EDRF1: variants seen among roughly 807,000 people sequenced by gnomAD.
The protein encoded by EDRF1 is erythroid differentiation regulatory factor 1, also known as erythroid differentiation-related factor 1.
In EDRF1, 69 loss-of-function variants were observed where a neutral mutation model predicts 148.7. That is an observed-to-expected ratio of 0.46 (90% confidence interval 0.38 to 0.57). The LOEUF (loss-of-function observed/expected upper bound fraction) is 0.57, where lower values mean the gene tolerates loss of function less well. Among genes scored for constraint, EDRF1 ranks in the 20% least tolerant of loss-of-function variants. The probability of loss-of-function intolerance (pLI) is 0.00; values close to 1 mark genes in which losing one functional copy is unlikely to be tolerated. For missense variants in EDRF1, 1,118 were observed against 1,478.7 expected (o/e 0.76, Z 4.00); for synonymous variants, 515 against 532.8 (o/e 0.97, Z 0.46).
At chr10:125,760,663 C>T (rs748379104) in intron 24 of EDRF1, among the ~76,000 whole-genome samples, 6 of 152,106 alleles carry the variant, frequency 3.9e-5, no homozygotes, top group Non-Finnish European at 8.8e-5. Flanking sequence ...TACCCTCTGC[C>T]ACAGGCTTAG....
rs74162850 is a variant in EDRF1, at chr10:125,727,661, T to C, written c.793-1342T>C. ...ACAATAGAAGTGCTAGAGAGCCACC[T>C]GTGCTTATAGTCACACACTCTTCCC... is the stretch of plus-strand genomic sequence containing the variant. On this transcript the variant is annotated intron_variant, in intron 6 of 24. Coordinates refer to ENST00000356792, the MANE Select transcript of EDRF1 (RefSeq NM_001202438.2). Among the ~76,000 whole-genome samples the C allele has an allele frequency of 9.9e-3, 1,507 of 152,340 alleles. 17 individuals carry two copies. Among genetic ancestry groups the C allele is most frequent in the African/African-American group, 0.035 (1,437 of 41,564 alleles).
chr10:125,745,616 C>G, intron 18 of EDRF1, 91 bp from the exon 19 acceptor site: 1 of 1,364,468 alleles, frequency 7.3e-7, no homozygotes, highest in South Asian at 1.2e-5. Context: ...ACTCCTGTCA[C>G]TGCCATCCTC....
intron 16 of EDRF1, 111 bp downstream of exon 16, chr10:125,740,762 A>G (rs1848977720): frequency 3.1e-6 from 4 of 1,270,246 alleles, no homozygotes; most frequent in Non-Finnish European, 4.5e-6. Flanking sequence ...TCTTTATTTT[A>G]AAATGACTGT....
intron 22 of EDRF1, 38 bp downstream of exon 22, chr10:125,749,603 T>C (rs775857228): frequency 1.2e-6 from 2 of 1,608,896 alleles, no homozygotes; most frequent in Non-Finnish European, 1.7e-6. Flanking sequence ...ATGTATGCAT[T>C]GGCTTAGTGC....
intron 14 of EDRF1, 66 bp downstream of exon 14, chr10:125,738,055 T>C: frequency 6.7e-7 from 1 of 1,491,664 alleles, no homozygotes; most frequent in Non-Finnish European, 9.3e-7. Flanking sequence ...ATTACACTTG[T>C]TTGTTGGTAT....
chr10:125,739,803 G>A (rs963318818), intron 15 of EDRF1, among the ~76,000 whole-genome samples: 9 of 152,122 alleles, frequency 5.9e-5, no homozygotes, highest in African/African-American at 2.2e-4. Flanking sequence ...ATTTTGTTGT[G>A]GTTTATGTTA....
In EDRF1 at chr10:125,763,042, A is replaced by G. The variant is rs1043510899; in HGVS notation, c.3546-259A>G. On this transcript the variant is annotated intron_variant, in intron 24 of 24. Coordinates refer to ENST00000356792, the MANE Select transcript of EDRF1 (RefSeq NM_001202438.2). The surrounding 1 kb of genome is among the most constrained non-coding windows in gnomAD (Gnocchi z 4.3). Reference sequence around the variant, plus strand: ...CCTGTTTTGTTCTCTGTCAAGAGCAATTCCTAGTACATAATAGGCATTCAA... The same window carrying G: ...CCTGTTTTGTTCTCTGTCAAGAGCAGTTCCTAGTACATAATAGGCATTCAA... Among the ~76,000 whole-genome samples, 2 of 152,202 alleles carry G rather than the reference A, an allele frequency of 1.3e-5. No individual in the cohort carries two copies. The highest frequency in any genetic ancestry group is 2.9e-5 in the Non-Finnish European group (2 of 68,044).
At position 125,747,627 on chromosome 10, in the gene EDRF1, C is replaced by T. The variant is rs1217771134; in HGVS notation, c.2906C>T (p.Thr969Ile). 3 of 1,614,182 alleles carry T rather than the reference C, an allele frequency of 1.9e-6. No homozygotes were observed. Among genetic ancestry groups the T allele is most frequent in the Non-Finnish European group, 2.5e-6 (3 of 1,180,020 alleles). The part of the protein sequence containing the change: ...VWDSVNWELS[T>I]TYFTMATLQQ... ...GATTCAGTGAACTGGGAATTGTCCA[C>T]TACTTACTTTACTATGGCAACTCTA... Residue 969 changes from threonine (T) to isoleucine (I), a missense_variant, in exon 20 of 25, where the codon ACT (threonine) becomes ATT (isoleucine). Thr to Ile is a moderately conservative substitution (Grantham distance 89). Around this residue, in one of 3 missense-constraint regions of EDRF1, gnomAD observed 954 missense variants for 1,241.4 expected, o/e 0.77. Transcript: ENST00000356792.
intron 2 of EDRF1, among the ~76,000 whole-genome samples, chr10:125,722,562 A>AT (rs544743481): frequency 1.5e-4 from 23 of 151,258 alleles, no homozygotes; most frequent in East Asian, 7.8e-4. Flanking sequence ...CTCAATTAAC[A>AT]TTTTTTTTTA....
intron 3 of EDRF1, 103 bp from the exon 4 acceptor site, chr10:125,723,708 A>T (rs1589817321): frequency 2.5e-6 from 3 of 1,220,176 alleles, no homozygotes; most frequent in Non-Finnish European, 3.5e-6. Flanking sequence ...CCTTAAGGAA[A>T]TAAGGTTTAT....
intron 17 of EDRF1, chr10:125,742,605 A>G (rs2133725059): frequency 8.1e-6 from 8 of 985,354 alleles, no homozygotes; most frequent in Non-Finnish European, 9.6e-6. Context: ...TTTCAGTTAA[A>G]TATTCTTTTT....
At chr10:125,727,362 T>C (rs1484770786) in intron 6 of EDRF1, among the ~76,000 whole-genome samples, 1 of 152,248 alleles carries the variant, frequency 6.6e-6, no homozygotes, top group Admixed American at 6.5e-5. Flanking sequence ...TTGCAAGCTA[T>C]CTCTGCACAA....
chr10:125,757,871 A>G (rs899946306), intron 24 of EDRF1, among the ~76,000 whole-genome samples: 2 of 152,226 alleles, frequency 1.3e-5, no homozygotes, highest in South Asian at 2.1e-4. Context: ...CAGTTTAACT[A>G]TGATAGGCTT....
chr10:125,761,631 G>C (rs1850199359), intron 24 of EDRF1, among the ~76,000 whole-genome samples: 1 of 152,214 alleles, frequency 6.6e-6, no homozygotes, highest in African/African-American at 2.4e-5. Context: ...GGAGCCCTCT[G>C]AATAGGGGTC....
At chr10:125,725,630 C>G (rs1261351628) in intron 5 of EDRF1, 52 bp from the exon 6 acceptor site, 1 of 1,609,034 alleles carries the variant, frequency 6.2e-7, no homozygotes, top group Non-Finnish European at 8.5e-7. Flanking sequence ...TAGACTGTTG[C>G]ATGAAGTTAA....
chr10:125,763,156 G>C lies in EDRF1; in HGVS notation c.3546-145G>C, dbSNP rs966765673. 2 of 756,954 alleles carry C rather than the reference G, an allele frequency of 2.6e-6. No individual in the cohort carries two copies. Among genetic ancestry groups the C allele is most frequent in the African/African-American group, 3.5e-5 (2 of 57,840 alleles). 46.9% of individuals were successfully genotyped at this position (756,954 alleles called of 1,614,324 possible). ...GCCCATGAGCAATATGTAAAAGAAG[G>C]CAGGTCTGAACCCGGCAGGAGAGGA... On this transcript the variant is annotated intron_variant, in intron 24 of 24. Transcript: ENST00000356792. The surrounding 1 kb of genome is among the most constrained non-coding windows in gnomAD (Gnocchi z 4.3).
At chr10:125,742,909 C>T in intron 17 of EDRF1, 149 bp from the exon 18 acceptor site, 9 of 1,307,284 alleles carry the variant, frequency 6.9e-6, no homozygotes, top group Non-Finnish European at 2.0e-6. Context: ...TATTATGAAA[C>T]TTAAATATTG....
chr10:125,739,797 T>C (rs1564741662), intron 15 of EDRF1, among the ~76,000 whole-genome samples: 1 of 152,240 alleles, frequency 6.6e-6, no homozygotes, highest in Non-Finnish European at 1.5e-5. Flanking sequence ...TAACATATTT[T>C]GTTGTGGTTT....
chr10:125,752,669 A>C lies in EDRF1; in HGVS notation c.3278-130A>C, dbSNP rs1849700610. 3 of 651,438 alleles carry C rather than the reference A, an allele frequency of 4.6e-6. No homozygotes were observed. In the East Asian group the frequency reaches 8.3e-5, roughly 18 times the overall value. The allele number at this position is 651,438 out of a possible 1,614,324, so 40.4% of individuals were successfully genotyped here. A position where few individuals can be genotyped will look rare whatever the true frequency, so the allele number is the denominator to read the frequency against. On this transcript the variant is annotated intron_variant, in intron 22 of 24. Coordinates refer to ENST00000356792, the MANE Select transcript of EDRF1 (RefSeq NM_001202438.2). ...ATATTATTAAATAGAAGTTGGATTT[A>C]GAAGATTTAAGATTCTCATTAGCTT...
Sources: gnomAD v4.1 joint callset for allele counts (sites outside exome capture counted in the v4.1 genomes callset) on GRCh38, gnomAD v4.1.1 for gene constraint, gnomAD v4.1.1 regional missense constraint, Gnocchi (gnomAD v3.1) non-coding constraint, MANE v1.5 for transcripts, NCBI Gene and HGNC (gene_info 2026-07-23, HGNC 2026-07-21) for gene names.